The following THSD7B variants were observed in gnomAD, a reference collection of about 807,000 sequenced individuals.
THSD7B encodes thrombospondin type-1 domain-containing protein 7B.
THSD7B carries 138 observed loss-of-function variants against 213.6 expected under a neutral mutation model. The observed-to-expected ratio is 0.65, with a 90% CI of 0.56 to 0.74. The LOEUF (loss-of-function observed/expected upper bound fraction) is 0.74. THSD7B is among the 30% of genes least tolerant of loss of function. The pLI, the probability that THSD7B is intolerant of heterozygous loss-of-function variation, is 0.00. For missense variants in THSD7B, 1,931 were observed against 1,991.5 expected (o/e 0.97, Z 0.58); for synonymous variants, 742 against 687.0 (o/e 1.08, Z -1.25).
At chr2:136,955,260 T>C (rs548773) in intron 2 of THSD7B, among the ~76,000 whole-genome samples, 61,697 of 152,098 alleles carry the variant, frequency 0.41, 14,775 homozygotes, top group Non-Finnish European at 0.55. Flanking sequence ...ATGGAGCTGA[T>C]GTATAAATGG....
chr2:137,419,000 T>A (rs1686861952), intron 14 of THSD7B, among the ~76,000 whole-genome samples: 1 of 151,938 alleles, frequency 6.6e-6, no homozygotes, highest in Non-Finnish European at 1.5e-5. Flanking sequence ...CACTGTCTCC[T>A]GGGTTCAAGT....
At chr2:136,825,638 A>C (rs1573656006) in intron 1 of THSD7B, among the ~76,000 whole-genome samples, 1 of 147,292 alleles carries the variant, frequency 6.8e-6, no homozygotes, top group Non-Finnish European at 1.5e-5. Context: ...CACTGCAACC[A>C]CCTCCTGGGT....
intron 3 of THSD7B, among the ~76,000 whole-genome samples, chr2:137,083,478 G>C (rs563214008): frequency 1.3e-5 from 2 of 152,180 alleles, no homozygotes; most frequent in East Asian, 3.9e-4. Context: ...TTTTGGTCTA[G>C]TTCCTATAGC....
In THSD7B at chr2:137,589,109, T is replaced by G. The variant is rs991835195; in HGVS notation, c.3423+16553T>G. On this transcript the variant is annotated intron_variant, in intron 17 of 27. Coordinates refer to ENST00000409968, the MANE Select transcript of THSD7B (RefSeq NM_001316349.2). The stretch of plus-strand genomic sequence containing the variant: ...GTTGTCCTTTTAAAATCAAATAACA[T>G]AAGTGTATGCTTTTGATATTTGGCG... Among the ~76,000 whole-genome samples the G allele has an allele frequency of 4.6e-5, 7 of 152,304 alleles. No homozygotes were observed. The South Asian group carries it at 1.2e-3, about 27-fold the overall frequency.
chr2:137,018,853 A>G (rs1312744910), intron 2 of THSD7B, among the ~76,000 whole-genome samples: 1 of 152,128 alleles, frequency 6.6e-6, no homozygotes, highest in Non-Finnish European at 1.5e-5. Context: ...TTGTTTGGGA[A>G]TTATTGGCAG....
intron 1 of THSD7B, among the ~76,000 whole-genome samples, chr2:136,771,333 C>A (rs1263784640): frequency 6.6e-6 from 1 of 152,112 alleles, no homozygotes; most frequent in Non-Finnish European, 1.5e-5. Context: ...TCTTCTGGAT[C>A]TCTTCTAGCT....
intron 2 of THSD7B, among the ~76,000 whole-genome samples, chr2:137,031,621 T>A (rs1028923710): frequency 4.6e-5 from 7 of 152,120 alleles, no homozygotes; most frequent in Admixed American, 3.3e-4. Context: ...CATAACAAAA[T>A]GTATTTAACA....
At chr2:137,280,844 G>A (rs1682990719) in intron 12 of THSD7B, among the ~76,000 whole-genome samples, 1 of 152,112 alleles carries the variant, frequency 6.6e-6, no homozygotes, top group African/African-American at 2.4e-5. Context: ...AAGCCGAGAT[G>A]CTGTCGTTTC....
chr2:137,336,884 A>T (rs1398624491), intron 12 of THSD7B, among the ~76,000 whole-genome samples: 1 of 152,084 alleles, frequency 6.6e-6, no homozygotes, highest in Non-Finnish European at 1.5e-5. Flanking sequence ...GTCATGCTTA[A>T]TCCACCATTC....
chr2:137,642,593 A>G lies in THSD7B; in HGVS notation c.3905A>G (p.Tyr1302Cys). ...QEKTCPVTPC[Y>C]SWVLGNWSAC... ...AAAACCTGCCCAGTGACCCCCTGCT[A>G]CAGCTGGGTCCTTGGCAACTGGTCT... Residue 1302 changes from tyrosine to cysteine, a missense_variant, in exon 21 of 28, where the codon TAC becomes TGC. Coordinates refer to ENST00000409968, the MANE Select transcript of THSD7B (RefSeq NM_001316349.2). 1 of 1,613,916 alleles carries G rather than the reference A, an allele frequency of 6.2e-7. No homozygotes were observed. The highest frequency in any genetic ancestry group is 8.5e-7 in the Non-Finnish European group (1 of 1,179,856).
At chr2:137,522,077 C>A (rs142618595) in intron 15 of THSD7B, among the ~76,000 whole-genome samples, 118 of 152,308 alleles carry the variant, frequency 7.7e-4, no homozygotes, top group Non-Finnish European at 1.1e-3. Context: ...TGAACTCAGC[C>A]TGAGAACTGC....
intron 4 of THSD7B, among the ~76,000 whole-genome samples, chr2:137,102,592 C>T (rs968785875): frequency 1.3e-5 from 2 of 152,128 alleles, no homozygotes; most frequent in African/African-American, 4.8e-5. Context: ...AAACTCCTCC[C>T]AGCTAAAGGA....
chr2:137,343,714 C>T (rs533398528), intron 12 of THSD7B, among the ~76,000 whole-genome samples: 84 of 151,878 alleles, frequency 5.5e-4, no homozygotes, highest in Middle Eastern at 3.4e-3. Context: ...AGAATGTCTG[C>T]ACTAAAAGAC....
intron 1 of THSD7B, among the ~76,000 whole-genome samples, chr2:136,857,665 A>G (rs996469449): frequency 6.6e-6 from 1 of 152,188 alleles, no homozygotes; most frequent in African/African-American, 2.4e-5. Context: ...ACTTAAATCC[A>G]GGGCTATCAA....
At chr2:137,562,757 G>T (rs185056205) in intron 15 of THSD7B, among the ~76,000 whole-genome samples, 1 of 151,928 alleles carries the variant, frequency 6.6e-6, no homozygotes, top group Admixed American at 6.6e-5. Context: ...AGAAATTTCC[G>T]GTACAAATCA....
chr2:136,870,183 C>T (rs1683409620), intron 1 of THSD7B, among the ~76,000 whole-genome samples: 1 of 151,860 alleles, frequency 6.6e-6, no homozygotes, highest in Non-Finnish European at 1.5e-5. Flanking sequence ...GTATGCATAC[C>T]TTCCAAATGT....
At chr2:136,993,486 A>T (rs1012650664) in intron 2 of THSD7B, among the ~76,000 whole-genome samples, 2 of 152,234 alleles carry the variant, frequency 1.3e-5, no homozygotes, top group Admixed American at 1.3e-4. Flanking sequence ...AGAATCTAAT[A>T]GTGAGTGATA....
chr2:137,241,655 G>A (rs1681907404), intron 9 of THSD7B, among the ~76,000 whole-genome samples: 1 of 152,082 alleles, frequency 6.6e-6, no homozygotes, highest in Non-Finnish European at 1.5e-5. Context: ...GCTCACGCCT[G>A]TAATCCCAGC....
At chr2:137,331,726 C>T (rs1350761874) in intron 12 of THSD7B, among the ~76,000 whole-genome samples, 6 of 152,156 alleles carry the variant, frequency 3.9e-5, no homozygotes, top group African/African-American at 1.2e-4. Context: ...TCAGGCATGG[C>T]GGGCTGCAGG....
Sources: gnomAD v4.1 joint callset for allele counts (sites outside exome capture counted in the v4.1 genomes callset) on GRCh38, gnomAD v4.1.1 for gene constraint, MANE v1.5 for transcripts, NCBI Gene and HGNC (gene_info 2026-07-23, HGNC 2026-07-21) for gene names.